MAP3K8: variants seen among roughly 807,000 people sequenced by gnomAD.
The protein encoded by MAP3K8 is Ewing sarcoma transformant.
A neutral mutation model predicts 45.8 loss-of-function variants in MAP3K8; 22 were observed. That is an observed-to-expected ratio of 0.48 (90% CI 0.34 to 0.69). The LOEUF (loss-of-function observed/expected upper bound fraction) is 0.69, where lower values mean the gene tolerates loss of function less well. MAP3K8 is among the 30% of genes least tolerant of loss of function. MAP3K8 has a pLI of 0.01. For missense variants in MAP3K8, 419 were observed against 585.0 expected, an observed-to-expected ratio of 0.72 and a Z score of 2.93; for synonymous variants, 223 against 214.3, an observed-to-expected ratio of 1.04 and a Z score of -0.36.
chr10:30,444,065 G>A (rs374321650), intron 3 of MAP3K8, among the ~76,000 whole-genome samples: 9 of 151,796 alleles, frequency 5.9e-5, no homozygotes, highest in East Asian at 1.9e-4. Flanking sequence ...TGGCACACAC[G>A]TGTAGTCCCA....
In MAP3K8 at chr10:30,450,479, T is replaced by G; in HGVS notation, c.726T>G (p.Asp242Glu). Reference protein sequence around the residue: ...WVTKHVLKGLDFLHSKKVIHH... With the variant: ...WVTKHVLKGLEFLHSKKVIHH... ...CAAAGCATGTTCTCAAGGGACTTGA[T>G]TTTCTACACTCAAAGAAAGTGATCC... The change falls in exon 5 of 9, where the codon GAT (aspartate) becomes GAG (glutamate). Residue 242 changes from aspartate (D) to glutamate (E), a missense_variant. By Grantham distance (45) the Asp-to-Glu change is conservative. Coordinates refer to ENST00000263056, the MANE Select transcript of MAP3K8 (RefSeq NM_005204.4). 1 of 1,614,056 alleles carries G rather than the reference T, an allele frequency of 6.2e-7. No individual in the cohort carries two copies. The highest frequency in any genetic ancestry group is 8.5e-7 in the Non-Finnish European group (1 of 1,179,930).
chr10:30,446,711 C>T (rs1564368238), intron 3 of MAP3K8, among the ~76,000 whole-genome samples: 1 of 151,938 alleles, frequency 6.6e-6, no homozygotes, highest in African/African-American at 2.4e-5. Context: ...CATGAACTAC[C>T]ATATTATTTT....
chr10:30,449,185 G>C (rs772549287), intron 4 of MAP3K8, among the ~76,000 whole-genome samples: 2 of 152,138 alleles, frequency 1.3e-5, no homozygotes, highest in South Asian at 4.2e-4. Flanking sequence ...GGAGAGTAGC[G>C]ACTGGAAGGG....
At chr10:30,459,624 T>A (rs576173685) in intron 8 of MAP3K8, 123 bp downstream of exon 8, 48 of 1,158,162 alleles carry the variant, frequency 4.1e-5, no homozygotes, top group Non-Finnish European at 5.6e-5. Context: ...GTACCATACC[T>A]TGCTTGAGAA....
In MAP3K8 at chr10:30,457,387, G is replaced by T. The variant is rs8177024; in HGVS notation, c.874-697G>T. ...TATTTTTTAAGTTTTTCCCTTTCAA[G>T]AAATTTGTGTTAATACCCTATAGAC... is the stretch of plus-strand genomic sequence containing the variant. On this transcript the variant is annotated intron_variant, in intron 6 of 8. Coordinates refer to ENST00000263056, the MANE Select transcript of MAP3K8 (RefSeq NM_005204.4). 8.8e-3 allele frequency among the ~76,000 whole-genome samples: 1,341 copies of T among 152,206 alleles called. 16 individuals carry two copies. Among genetic ancestry groups the T allele is most frequent in the African/African-American group, 0.03 (1,228 of 41,516 alleles).
rs1836807862 is a variant in MAP3K8, at chr10:30,458,221, C to T, written c.1011C>T (p.Pro337=). 1.3e-6 allele frequency: 2 copies of T among 1,572,624 alleles called. No homozygotes were observed. Among genetic ancestry groups the T allele is most frequent in the African/African-American group, 1.4e-5 (1 of 73,458 alleles). ...AGCGCTACCCTCGCTCAGCCTATCC[C>T]TCCTACCTGTACATAGTAAGTGGGG... The part of the protein sequence containing the change: ...WVKRYPRSAY[P]SYLYIIHKQA... The change falls in exon 7 of 9, where the codon CCC becomes CCT. Residue 337 remains proline, a synonymous_variant. Coordinates refer to ENST00000263056, the MANE Select transcript of MAP3K8 (RefSeq NM_005204.4).
Position 30,440,990 on chromosome 10 carries a change from C to T in MAP3K8, c.336+1716C>T, listed in dbSNP as rs1457828225. ...AGAAGAAATACAAAGAAACAACATTCTGAAGTCTTTTAGGAATGGGACCAG... is the reference window on the plus strand; with the variant it reads ...AGAAGAAATACAAAGAAACAACATTTTGAAGTCTTTTAGGAATGGGACCAG... On this transcript the variant is annotated intron_variant, in intron 3 of 8. Coordinates refer to ENST00000263056, the MANE Select transcript of MAP3K8 (RefSeq NM_005204.4). 2.0e-5 allele frequency among the ~76,000 whole-genome samples: 3 copies of T among 152,074 alleles called. No individual in the cohort carries two copies. In the East Asian group the frequency reaches 5.8e-4, roughly 29 times the overall value.
rs757590491 is a variant in MAP3K8, at chr10:30,447,928, G to C, written c.483G>C (p.Lys161Asn). Residue 161 changes from lysine to asparagine, a missense_variant, in exon 4 of 9, where the codon AAG (lysine) becomes AAC (asparagine). Physicochemically the swap from Lys to Asn is moderately conservative, Grantham distance 94. This residue lies in a region of MAP3K8 where 209 missense variants were observed against 367.3 expected (regional missense o/e 0.57). Transcript: ENST00000263056. ...ACTTGGCACAAGATATAAAGACGAA[G>C]AAAAGAATGGCGTGTAAACTGGTAT... ...KVYLAQDIKTKKRMACKLIPV... is the reference protein window; with the variant it reads ...KVYLAQDIKTNKRMACKLIPV... 6.2e-7 allele frequency: 1 copy of C among 1,610,446 alleles called. No individual in the cohort carries two copies. Among genetic ancestry groups the C allele is most frequent in the South Asian group, 1.1e-5 (1 of 90,548 alleles).
intron 3 of MAP3K8, among the ~76,000 whole-genome samples, chr10:30,443,617 C>T (rs564724734): frequency 2.4e-4 from 37 of 152,318 alleles, no homozygotes; most frequent in Admixed American, 5.2e-4. Context: ...TGGGACAGAG[C>T]TAGCTTGGCC....
intron 1 of MAP3K8, among the ~76,000 whole-genome samples, chr10:30,435,645 C>T (rs994165103): frequency 2.0e-5 from 3 of 152,320 alleles, no homozygotes; most frequent in Admixed American, 6.5e-5. Flanking sequence ...CTCCACCTCC[C>T]GGGTTCAAGC....
rs986580649 is a variant in MAP3K8 at position 30,434,426 on chromosome 10, G to A, written c.-255+48G>A. ...CGGCGTGTCTTTCGGGTCGCGTCCC[G>A]CCTGGGTGCCCCGGGGATTCCCATG... is the stretch of plus-strand genomic sequence containing the variant. On this transcript the variant is annotated intron_variant, in intron 1 of 8. Transcript: ENST00000263056. 3 of 984,486 alleles carry A rather than the reference G, an allele frequency of 3.0e-6. No homozygotes were observed. In the African/African-American group the frequency reaches 5.2e-5, roughly 17 times the overall value. The allele number at this position is 984,486 out of a possible 1,614,324, so 61.0% of individuals were successfully genotyped here.
chr10:30,454,129 T>C (rs1836652503), intron 6 of MAP3K8, among the ~76,000 whole-genome samples: 2 of 152,142 alleles, frequency 1.3e-5, no homozygotes, highest in Admixed American at 1.3e-4. Context: ...GAAGCTGCAC[T>C]GCCTGAGCCA....
rs143662794 is a variant in MAP3K8, at chr10:30,447,940, G to A, written c.495G>A (p.Ala165=). ...AQDIKTKKRM[A]CKLIPVDQFK... is the part of the protein sequence containing the mutation. ...ATATAAAGACGAAGAAAAGAATGGC[G>A]TGTAAACTGGTATGTGTTTTCTACC... Residue 165 remains alanine (A), a synonymous_variant, in exon 4 of 9, where the codon GCG becomes GCA. Coordinates refer to ENST00000263056, the MANE Select transcript of MAP3K8 (RefSeq NM_005204.4). 37 of 1,607,382 alleles carry A rather than the reference G, an allele frequency of 2.3e-5. No homozygotes were observed. The highest frequency in any genetic ancestry group is 2.2e-4 in the African/African-American group (16 of 74,312).
chr10:30,450,651 C>T (rs1588782683), intron 5 of MAP3K8, 132 bp downstream of exon 5: 1 of 717,070 alleles, frequency 1.4e-6, no homozygotes, highest in Non-Finnish European at 2.4e-6. Context: ...GTCCGTCTTC[C>T]TTCTCCAGAG....
chr10:30,453,431 A>G (rs1836619280), intron 6 of MAP3K8, among the ~76,000 whole-genome samples: 1 of 151,990 alleles, frequency 6.6e-6, no homozygotes, highest in Non-Finnish European at 1.5e-5. Context: ...AACAGCACTC[A>G]TGTTTAACTC....
chr10:30,441,109 G>T (rs1293774413), intron 3 of MAP3K8, among the ~76,000 whole-genome samples: 1 of 152,116 alleles, frequency 6.6e-6, no homozygotes, highest in Non-Finnish European at 1.5e-5. Context: ...GTCATTACCT[G>T]CTGTGGGTCC....
At chr10:30,446,108 G>A (rs1323471440) in intron 3 of MAP3K8, among the ~76,000 whole-genome samples, 4 of 152,184 alleles carry the variant, frequency 2.6e-5, no homozygotes, top group African/African-American at 4.8e-5. Context: ...ACCCAGACTG[G>A]TCTTGAACTC....
intron 5 of MAP3K8, among the ~76,000 whole-genome samples, chr10:30,451,375 G>C (rs960650008): frequency 6.6e-6 from 1 of 152,140 alleles, no homozygotes; most frequent in Non-Finnish European, 1.5e-5. Flanking sequence ...TTATGTCTTA[G>C]AGTTTGAAAT....
chr10:30,447,217 C>T (rs543163283), intron 3 of MAP3K8, among the ~76,000 whole-genome samples: 124 of 152,292 alleles, frequency 8.1e-4, no homozygotes, highest in African/African-American at 2.9e-3. Flanking sequence ...ACAATGCATG[C>T]GATAGATATT....
Sources: gnomAD v4.1 joint callset for allele counts (sites outside exome capture counted in the v4.1 genomes callset) on GRCh38, gnomAD v4.1.1 for gene constraint, gnomAD v4.1.1 regional missense constraint, MANE v1.5 for transcripts, NCBI Gene and HGNC (gene_info 2026-07-23, HGNC 2026-07-21) for gene names.